CCDC77: variants seen among roughly 807,000 people sequenced by gnomAD.
The protein encoded by CCDC77 is coiled-coil domain containing 77, also known as coiled-coil domain-containing protein 77.
CCDC77 carries 56 observed loss-of-function variants against 66.8 expected under a neutral mutation model. The ratio of observed to expected loss-of-function variants is 0.84; its 90% confidence interval spans 0.68 to 1.05. The LOEUF (loss-of-function observed/expected upper bound fraction) is 1.05, where lower values mean the gene tolerates loss of function less well. CCDC77 is among the 50% of genes least tolerant of loss of function. CCDC77 has a pLI of 0.00. For missense variants in CCDC77, 570 were observed against 576.8 expected, an observed-to-expected ratio of 0.99 and a Z score of 0.12; for synonymous variants, 196 against 195.2, an observed-to-expected ratio of 1.00 and a Z score of -0.03.
upstream of CCDC77, among the ~76,000 whole-genome samples, chr12:401,000 G>A (rs1349521660): frequency 6.6e-6 from 1 of 152,174 alleles, no homozygotes; most frequent in Non-Finnish European, 1.5e-5. Flanking sequence ...CATACCAGTA[G>A]CTGTAATTCT....
In CCDC77 at chr12:409,134, G is replaced by A. The variant is rs538549491; in HGVS notation, c.-16-234G>A. 8.0e-5 allele frequency among the ~76,000 whole-genome samples: 12 copies of A among 150,272 alleles called. No homozygotes were observed. The East Asian group carries it at 1.2e-3, about 15-fold the overall frequency. ...GCAGGAGAATCGCTTGAACCCAGAAGGCAGAGGTTGCAGTGAGCCGAGATC... is the reference window on the plus strand; with the variant it reads ...GCAGGAGAATCGCTTGAACCCAGAAAGCAGAGGTTGCAGTGAGCCGAGATC... On this transcript the variant is annotated intron_variant, in intron 2 of 12. Coordinates refer to ENST00000239830, the MANE Select transcript of CCDC77 (RefSeq NM_032358.4).
At chr12:440,465 G>T in intron 10 of CCDC77, 152 bp from the exon 11 acceptor site, 1 of 778,786 alleles carries the variant, frequency 1.3e-6, no homozygotes, top group South Asian at 1.9e-5. Flanking sequence ...TAGATTTTCA[G>T]ATGTTCCTCA....
intron 1 of CCDC77, among the ~76,000 whole-genome samples, chr12:395,659 C>T (rs1361225839): frequency 1.3e-5 from 2 of 152,096 alleles, no homozygotes; most frequent in East Asian, 1.9e-4. Flanking sequence ...TCTGGGAGGC[C>T]GAGGTGGGTA....
chr12:428,833 G>C lies in CCDC77; in HGVS notation c.478G>C (p.Val160Leu). 6.2e-7 allele frequency: 1 copy of C among 1,613,186 alleles called. No individual in the cohort carries two copies. The highest frequency in any genetic ancestry group is 8.5e-7 in the Non-Finnish European group (1 of 1,179,480). ...LALVGTDAGE[V>L]TYFCKEPPHK... ...TCTTGTGGGAACAGATGCTGGAGAAGTGACCTATTTTTGTAAGGAGCCTCC... is the reference window on the plus strand; with the variant it reads ...TCTTGTGGGAACAGATGCTGGAGAACTGACCTATTTTTGTAAGGAGCCTCC... The change falls in exon 6 of 13, where the codon GTG becomes CTG. Residue 160 changes from valine (V) to leucine (L), a missense_variant. Coordinates refer to ENST00000239830, the MANE Select transcript of CCDC77 (RefSeq NM_032358.4).
At chr12:419,125 T>C (rs995963363) in intron 5 of CCDC77, among the ~76,000 whole-genome samples, 1 of 152,206 alleles carries the variant, frequency 6.6e-6, no homozygotes, top group East Asian at 1.9e-4. Context: ...TCTGGAATAA[T>C]AGCTATGAGC....
chr12:430,289 G>A (rs1376341435), intron 6 of CCDC77, among the ~76,000 whole-genome samples: 2 of 152,090 alleles, frequency 1.3e-5, no homozygotes, highest in African/African-American at 4.8e-5. Context: ...CACCGCACCT[G>A]GCCTTATTTT....
Position 416,405 on chromosome 12 carries a change from A to ATG in CCDC77, c.271-2088_271-2087insGT, listed in dbSNP as rs1271107080. On this transcript the variant is annotated intron_variant, in intron 4 of 12. Transcript: ENST00000239830. ...TATATATATATATATATATATATAT[A>ATG]TATATATATATTTCTTTTTTTTTTT... Among the ~76,000 whole-genome samples, 343 of 54,338 alleles carry ATG rather than the reference A, an allele frequency of 6.3e-3. 28 individuals carry two copies. In the South Asian group the frequency reaches 0.076, roughly 12 times the overall value. 35.6% of individuals were successfully genotyped at this position (54,338 alleles called of 152,430 possible). A position where few individuals can be genotyped will look rare whatever the true frequency, so the allele number is the denominator to read the frequency against.
intron 5 of CCDC77, among the ~76,000 whole-genome samples, chr12:424,368 C>T (rs560336441): frequency 1.3e-5 from 2 of 151,694 alleles, no homozygotes; most frequent in Non-Finnish European, 2.9e-5. Flanking sequence ...TTTATTTTCT[C>T]CTCTTTTTTT....
At chr12:416,401 A>ATGTG (rs1346836223) in intron 4 of CCDC77, among the ~76,000 whole-genome samples, 1 of 53,668 alleles carries the variant, frequency 1.9e-5, no homozygotes, top group Non-Finnish European at 3.5e-5. Context: ...ATATATATAT[A>ATGTG]TATATATATA....
Position 428,485 on chromosome 12 carries a change from T to C in CCDC77, c.414-284T>C, listed in dbSNP as rs548807144. 1.3e-4 allele frequency among the ~76,000 whole-genome samples: 15 copies of C among 118,084 alleles called. No individual in the cohort carries two copies. The East Asian group carries it at 3.0e-3, about 24-fold the overall frequency. The allele number at this position is 118,084 out of a possible 152,430, so 77.5% of individuals were successfully genotyped here. A position where few individuals can be genotyped will look rare whatever the true frequency, so the allele number is the denominator to read the frequency against. ...AAGACCGCACCATTGCACTCCAGCC[T>C]GGACAACAGAGCGAGACTCTGTCTC... is the stretch of plus-strand genomic sequence containing the variant. On this transcript the variant is annotated intron_variant, in intron 5 of 12. Coordinates refer to ENST00000239830, the MANE Select transcript of CCDC77 (RefSeq NM_032358.4).
intron 4 of CCDC77, among the ~76,000 whole-genome samples, chr12:414,536 A>G (rs992976682): frequency 2.0e-5 from 3 of 152,000 alleles, no homozygotes; most frequent in African/African-American, 7.3e-5. Context: ...TTATCCTTGT[A>G]TTACACTTCT....
Position 441,830 on chromosome 12 carries a change from C to T in CCDC77, c.1377C>T (p.Asp459=). 5 of 1,612,864 alleles carry T rather than the reference C, an allele frequency of 3.1e-6. No individual in the cohort carries two copies. Among genetic ancestry groups the T allele is most frequent in the Non-Finnish European group, 4.2e-6 (5 of 1,179,862 alleles). The change falls in exon 13 of 13, where the codon GAC becomes GAT. Residue 459 remains aspartate (D), a synonymous_variant. Coordinates refer to ENST00000239830, the MANE Select transcript of CCDC77 (RefSeq NM_032358.4). ...QDLALLCEVR[D]SNRRAHKIQG... ...TTGCCCTTCTGTGTGAGGTCCGTGACAGCAATAGACGGGCACATAAGATAC... is the reference window on the plus strand; with the variant it reads ...TTGCCCTTCTGTGTGAGGTCCGTGATAGCAATAGACGGGCACATAAGATAC...
chr12:422,048 ACACAC>A (rs1945404540), intron 5 of CCDC77, among the ~76,000 whole-genome samples: 2 of 38,392 alleles, frequency 5.2e-5, no homozygotes, highest in African/African-American at 1.1e-4. Flanking sequence ...GAGAGGGTAA[ACACAC>A]ATAGCAGCAC....
intron 4 of CCDC77, 91 bp from the exon 5 acceptor site, chr12:418,403 T>C: frequency 7.9e-7 from 1 of 1,268,396 alleles, no homozygotes; most frequent in Non-Finnish European, 1.1e-6. Flanking sequence ...CTTTGGAATA[T>C]TTCTACATGA....
intron 9 of CCDC77, among the ~76,000 whole-genome samples, chr12:433,729 GCC>G (rs1181916982): frequency 6.7e-6 from 1 of 150,352 alleles, no homozygotes; most frequent in Non-Finnish European, 1.5e-5. Flanking sequence ...TCTTTTGTTT[GCC>G]CCTTCATGAA....
At position 418,625 on chromosome 12, in the gene CCDC77, A is replaced by C. The variant is rs750071502; in HGVS notation, c.402A>C (p.Arg134=). 7 of 1,613,560 alleles carry C rather than the reference A, an allele frequency of 4.3e-6. No individual in the cohort carries two copies. The highest frequency in any genetic ancestry group is 5.9e-6 in the Non-Finnish European group (7 of 1,179,888). The change falls in exon 5 of 13, where the codon CGA becomes CGC. Residue 134 remains arginine (R), a synonymous_variant. Transcript: ENST00000239830. The stretch of plus-strand genomic sequence containing the variant: ...TACGCCTCTACTCAGAAAATGACCG[A>C]CTGAGAATCAGGTACCAAATAGGAG... The part of the protein sequence containing the change: ...HVLRLYSEND[R]LRIRELEDKK...
chr12:433,606 C>T (rs1292841797), intron 9 of CCDC77: 4 of 368,994 alleles, frequency 1.1e-5, no homozygotes, highest in Admixed American at 5.1e-5. Context: ...CAGTGGCTCA[C>T]GCCTGTAATC....
chr12:441,123 T>G (rs910567140), intron 12 of CCDC77, 127 bp downstream of exon 12: 2 of 960,220 alleles, frequency 2.1e-6, no homozygotes, highest in Non-Finnish European at 3.1e-6. Flanking sequence ...ATCACCATCT[T>G]CAAGCCTCCC....
At chr12:389,477 C>A in exon 1 of CCDC77, 1 of 403,966 alleles carries the variant, frequency 2.5e-6, no homozygotes, top group Non-Finnish European at 4.6e-6. Context: ...CTCCACGCAG[C>A]TCGCCCTTGG....
Sources: allele counts gnomAD v4.1 joint callset (sites outside exome capture counted in the v4.1 genomes callset), GRCh38; gene constraint gnomAD v4.1.1; transcripts MANE v1.5; gene names NCBI Gene and HGNC (gene_info 2026-07-23, HGNC 2026-07-21).